FAT2: variants seen among roughly 807,000 people sequenced by gnomAD.
The protein encoded by FAT2 is protocadherin Fat 2.
A neutral mutation model predicts 295.3 loss-of-function variants in FAT2; 150 were observed. That is an observed-to-expected ratio of 0.51 (90% CI 0.44 to 0.58). The LOEUF (loss-of-function observed/expected upper bound fraction) is 0.58, where lower values mean the gene tolerates loss of function less well. FAT2 is among the 20% of genes least tolerant of loss of function. The pLI is 0.00. For missense variants in FAT2, 4,868 were observed against 5,442.7 expected, an observed-to-expected ratio of 0.89 and a Z score of 3.32; for synonymous variants, 2,026 against 2,150.3, an observed-to-expected ratio of 0.94 and a Z score of 1.60.
chr5:151,539,255 C>A (rs1194449207), intron 11 of FAT2, among the ~76,000 whole-genome samples: 1 of 152,080 alleles, frequency 6.6e-6, no homozygotes, highest in Non-Finnish European at 1.5e-5. Context: ...TTCTACAGTG[C>A]TTTTATGTGA....
chr5:151,534,735 A>G lies in FAT2; in HGVS notation c.9194-93T>C. On this transcript the variant is annotated intron_variant, in intron 12 of 23. Coordinates refer to ENST00000261800, the MANE Select transcript of FAT2 (RefSeq NM_001447.3). ...ATATCTACAGGAGACAAACCCAGCCACACAGAGTTTTGTTCACAGCAAGGA... is the reference window on the plus strand; with the variant it reads ...ATATCTACAGGAGACAAACCCAGCCGCACAGAGTTTTGTTCACAGCAAGGA... 2.7e-6 allele frequency: 3 copies of G among 1,103,682 alleles called. No individual in the cohort carries two copies. In the South Asian group the frequency reaches 4.4e-5, roughly 16 times the overall value. The allele number at this position is 1,103,682 out of a possible 1,614,324, so 68.4% of individuals were successfully genotyped here.
intron 1 of FAT2, among the ~76,000 whole-genome samples, chr5:151,579,396 A>G (rs1162044940): frequency 6.6e-6 from 1 of 152,084 alleles, no homozygotes; most frequent in Non-Finnish European, 1.5e-5. Flanking sequence ...ACATATCGAG[A>G]TCCCATCTCT....
chr5:151,533,744 C>CAT (rs559542473), intron 13 of FAT2, among the ~76,000 whole-genome samples: 6 of 151,384 alleles, frequency 4.0e-5, no homozygotes, highest in African/African-American at 1.2e-4. Flanking sequence ...TACACACATA[C>CAT]ATATATATAT....
At chr5:151,510,981 T>C (rs1408989761) in intron 21 of FAT2, 1 of 152,352 alleles carries the variant, frequency 6.6e-6, no homozygotes, top group Non-Finnish European at 1.5e-5. Flanking sequence ...GACTCTATCC[T>C]AGCAGCATGG....
chr5:151,549,499 C>G lies in FAT2; in HGVS notation c.4585G>C (p.Asp1529His), dbSNP rs2127619731. 6.2e-7 allele frequency: 1 copy of G among 1,614,108 alleles called. No individual in the cohort carries two copies. Among genetic ancestry groups the G allele is most frequent in the Non-Finnish European group, 8.5e-7 (1 of 1,180,010 alleles). The change falls in exon 9 of 24, where the codon GAC (aspartate) becomes CAC (histidine). Residue 1529 changes from aspartate (D) to histidine (H), a missense_variant. Physicochemically the swap from Asp to His is moderately conservative, Grantham distance 81 (BLOSUM62 -1). Transcript: ENST00000261800. ...SQHTLTVMVRDQEIPIKRNFV... is the reference protein window; with the variant it reads ...SQHTLTVMVRHQEIPIKRNFV... ...TTCCTCTTGATAGGTATTTCCTGGT[C>G]TCGGACCTATGGGCCCAAAGGGGGT...
chr5:151,556,593 C>G (rs529997863), intron 3 of FAT2, among the ~76,000 whole-genome samples, 191 bp from the exon 4 acceptor site: 1 of 152,190 alleles, frequency 6.6e-6, no homozygotes, highest in South Asian at 2.1e-4. Context: ...GGAAGTGATA[C>G]ACATTCAGTA....
Position 151,553,378 on chromosome 5 carries a change from T to C in FAT2, c.3955A>G (p.Thr1319Ala), listed in dbSNP as rs1313219180. 1 of 1,614,042 alleles carries C rather than the reference T, an allele frequency of 6.2e-7. No individual in the cohort carries two copies. The highest frequency in any genetic ancestry group is 1.3e-5 in the African/African-American group (1 of 74,944). Residue 1319 changes from threonine (T) to alanine (A), a missense_variant, in exon 6 of 24, where the codon ACA becomes GCA. This residue lies in a region of FAT2 where 3,297 missense variants were observed against 3,669.4 expected (regional missense o/e 0.90). Transcript: ENST00000261800. ...GEYNILTIKA[T>A]DSGQPPLSAS... ...GAGAGTGGTGGCTGCCCACTGTCTG[T>C]TGCCTTGATCTGAAAGGAGGCCAAC...
At chr5:151,546,443 A>T in intron 9 of FAT2, 106 bp from the exon 10 acceptor site, 1 of 741,208 alleles carries the variant, frequency 1.3e-6, no homozygotes, top group Non-Finnish European at 2.2e-6. Flanking sequence ...GACAGAGCAA[A>T]ATCTGCATAT....
At position 151,528,711 on chromosome 5, in the gene FAT2, G is replaced by A. The variant is rs150293969; in HGVS notation, c.10026+467C>T. On this transcript the variant is annotated intron_variant, in intron 15 of 23. Coordinates refer to ENST00000261800, the MANE Select transcript of FAT2 (RefSeq NM_001447.3). Reference sequence around the variant, plus strand: ...CTGGAAGGTGGGATGAAGAGTGTGGGAGTATGGGTGGACAGAACTGGGTTT... The same window carrying A: ...CTGGAAGGTGGGATGAAGAGTGTGGAAGTATGGGTGGACAGAACTGGGTTT... Among the ~76,000 whole-genome samples, 323 of 152,234 alleles carry A rather than the reference G, an allele frequency of 2.1e-3. 1 individual carries two copies. Among genetic ancestry groups the A allele is most frequent in the African/African-American group, 7.0e-3 (291 of 41,522 alleles).
rs2127626874 is a variant in FAT2 at position 151,553,204 on chromosome 5, G to T, written c.4129C>A (p.Pro1377Thr). The T allele has an allele frequency of 6.2e-7, 1 of 1,614,252 alleles. No homozygotes were observed. Among genetic ancestry groups the T allele is most frequent in the Non-Finnish European group, 8.5e-7 (1 of 1,180,044 alleles). Residue 1377 changes from proline to threonine, a missense_variant, in exon 6 of 24, where the codon CCC (proline) becomes ACC (threonine). By Grantham distance (38) the Pro-to-Thr change is conservative. Around this residue, in one of 5 missense-constraint regions of FAT2, gnomAD observed 3,297 missense variants for 3,669.4 expected, o/e 0.90. Coordinates refer to ENST00000261800, the MANE Select transcript of FAT2 (RefSeq NM_001447.3). Reference sequence around the variant, plus strand: ...GAGATGTTGAACCAGAAGAGTCCGGGTCTGCCCTCTACGCTGATGACCCCC... The same window carrying T: ...GAGATGTTGAACCAGAAGAGTCCGGTTCTGCCCTCTACGCTGATGACCCCC... ...MVGVISVEGR[P>T]GLFWFNISGG...
intron 1 of FAT2, among the ~76,000 whole-genome samples, chr5:151,587,982 C>G (rs1296584248): frequency 6.6e-6 from 1 of 152,208 alleles, no homozygotes; most frequent in East Asian, 1.9e-4. Flanking sequence ...CGTGCCAACC[C>G]AGGCAAACTG....
chr5:151,536,662 A>G (rs1426566582), intron 12 of FAT2, among the ~76,000 whole-genome samples: 2 of 152,228 alleles, frequency 1.3e-5, no homozygotes, highest in Non-Finnish European at 2.9e-5. Context: ...TCTCTTGGCT[A>G]GTAACAATGA....
rs930058445 is a variant in FAT2 at position 151,522,078 on chromosome 5, G to A, written c.10515C>T (p.Asp3505=). The change falls in exon 19 of 24, where the codon GAC becomes GAT. Residue 3505 remains aspartate (D), a synonymous_variant. Transcript: ENST00000261800. ...AAGACGAGAGGGGAGGGATGCCACT[G>A]TCTGACGCCTGTGGGCAAAACAAAC... ...EWYQLQIQAS[D]SGIPPLSSLT... 6.3e-7 allele frequency: 1 copy of A among 1,587,164 alleles called. No individual in the cohort carries two copies. Among genetic ancestry groups the A allele is most frequent in the Non-Finnish European group, 8.6e-7 (1 of 1,160,662 alleles).
At chr5:151,532,260 T>C (rs903974217) in intron 13 of FAT2, among the ~76,000 whole-genome samples, 2 of 152,158 alleles carry the variant, frequency 1.3e-5, no homozygotes, top group Non-Finnish European at 2.9e-5. Flanking sequence ...TAATGAAAAA[T>C]ATGCAGATAA....
At position 151,512,559 on chromosome 5, in the gene FAT2, G is replaced by A. The variant is rs758635718; in HGVS notation, c.11511C>T (p.Phe3837=). The A allele has an allele frequency of 6.2e-7, 1 of 1,614,010 alleles. No homozygotes were observed. Among genetic ancestry groups the A allele is most frequent in the East Asian group, 2.2e-5 (1 of 44,874 alleles). Residue 3837 remains phenylalanine, a synonymous_variant, in exon 21 of 24, where the codon TTC becomes TTT. Transcript: ENST00000261800. The surrounding 1 kb of genome is among the most constrained non-coding windows in gnomAD (Gnocchi z 4.1). ...GGCGCTGGGAGGAAAGGTTTCCATA[G>A]AAACCACCCAGACAGTGGTATTCCA... ...PQLEYHCLGG[F]YGNLSSQRHV...
rs1456497065 is a variant in FAT2 at position 151,549,335 on chromosome 5, G to C, written c.4749C>G (p.Asp1583Glu). Reference sequence around the variant, plus strand: ...AGTGGACCTCAGCATTGACTCCCCGGTCAGCATCCATGGCTCGGACCTGCA... The same window carrying C: ...AGTGGACCTCAGCATTGACTCCCCGCTCAGCATCCATGGCTCGGACCTGCA... The part of the protein sequence containing the change: ...ELLQVRAMDA[D>E]RGVNAEVHYS... Residue 1583 changes from aspartate to glutamate, a missense_variant, in exon 9 of 24, where the codon GAC (aspartate) becomes GAG (glutamate). This residue lies in a region of FAT2 where 3,297 missense variants were observed against 3,669.4 expected (regional missense o/e 0.90). Coordinates refer to ENST00000261800, the MANE Select transcript of FAT2 (RefSeq NM_001447.3). The C allele has an allele frequency of 6.2e-7, 1 of 1,613,734 alleles. No individual in the cohort carries two copies. Among genetic ancestry groups the C allele is most frequent in the East Asian group, 2.2e-5 (1 of 44,884 alleles).
chr5:151,582,720 T>G (rs1166409352), intron 1 of FAT2, among the ~76,000 whole-genome samples: 2 of 152,190 alleles, frequency 1.3e-5, no homozygotes, highest in Non-Finnish European at 2.9e-5. Context: ...TAGAAAGTGT[T>G]CAGGCTAGAG....
Position 151,509,812 on chromosome 5 carries a change from C to T in FAT2, c.12059+209G>A, listed in dbSNP as rs1581269010. ...ATCCTGAAACCATCTCCCGTTTCTCCTGCCTGGTCCGTGGAAAAAGTGTCT... is the reference window on the plus strand; with the variant it reads ...ATCCTGAAACCATCTCCCGTTTCTCTTGCCTGGTCCGTGGAAAAAGTGTCT... On this transcript the variant is annotated intron_variant, in intron 22 of 23. Coordinates refer to ENST00000261800, the MANE Select transcript of FAT2 (RefSeq NM_001447.3). The T allele has an allele frequency of 2.6e-5, 15 of 567,658 alleles. No homozygotes were observed. The East Asian group carries it at 3.8e-4, about 14-fold the overall frequency. The allele number at this position is 567,658 out of a possible 1,614,324, so 35.2% of individuals were successfully genotyped here. A position where few individuals can be genotyped will look rare whatever the true frequency, so the allele number is the denominator to read the frequency against.
At chr5:151,592,616 A>G (rs2278382), upstream of FAT2, among the ~76,000 whole-genome samples, 30,463 of 152,184 alleles carry the variant, frequency 0.2, 3,572 homozygotes, top group Non-Finnish European at 0.26. Flanking sequence ...AGAATTATTC[A>G]TACCGTTGTT....
Sources: allele counts gnomAD v4.1 joint callset (sites outside exome capture counted in the v4.1 genomes callset), GRCh38; gene constraint gnomAD v4.1.1; regional missense constraint gnomAD v4.1.1; non-coding constraint Gnocchi (gnomAD v3.1); transcripts MANE v1.5; gene names NCBI Gene and HGNC (gene_info 2026-07-23, HGNC 2026-07-21).